Variants in MYBPC2 observed in about 807,000 individuals in gnomAD.
MYBPC2 encodes myosin-binding protein C, fast-type.
A neutral mutation model predicts 137.0 loss-of-function variants in MYBPC2; 122 were observed. The observed-to-expected ratio is 0.89, with a 90% CI of 0.77 to 1.03. MYBPC2 has a LOEUF of 1.03. Among genes scored for constraint, MYBPC2 ranks in the 50% least tolerant of loss-of-function variants. MYBPC2 has a pLI of 0.00. For synonymous variants in MYBPC2, 626 were observed against 612.3 expected, an observed-to-expected ratio of 1.02 and a Z score of -0.33; for missense variants, 1,500 against 1,534.4, an observed-to-expected ratio of 0.98 and a Z score of 0.37.
rs779517649 is a variant in MYBPC2, at chr19:50,461,929, G to T, written c.3121G>T (p.Glu1041Ter). The T allele has an allele frequency of 4.4e-6, 7 of 1,597,142 alleles. No individual in the cohort carries two copies. In the East Asian group the frequency reaches 1.4e-4, roughly 31 times the overall value. ...CACCTTCAAACCGTTCGAGTATAAG[G>T]AGCATGACTTCCGGATGGCTCCCAA... ...GITFKPFEYK[E>*]HDFRMAPKFL... Residue 1041 changes from glutamate to a stop codon, truncating the protein, a stop_gained, in exon 26 of 28, where the codon GAG becomes TAG. Coordinates refer to ENST00000357701, the MANE Select transcript of MYBPC2 (RefSeq NM_004533.4). LOFTEE classifies it high-confidence loss of function.
chr19:50,438,004 C>A (rs1233827894), intron 7 of MYBPC2, among the ~76,000 whole-genome samples: 2 of 152,112 alleles, frequency 1.3e-5, no homozygotes, highest in African/African-American at 2.4e-5. Flanking sequence ...ATTCTCACAC[C>A]CACTCTGCTG....
chr19:50,447,385 A>T (rs1003535740), intron 12 of MYBPC2, among the ~76,000 whole-genome samples: 1 of 152,164 alleles, frequency 6.6e-6, no homozygotes, highest in Non-Finnish European at 1.5e-5. Flanking sequence ...AACTCAAGTC[A>T]GTTATGGGTC....
Position 50,435,289 on chromosome 19 carries a change from C to T in MYBPC2, c.109+39C>T, listed in dbSNP as rs1176297153. 5.3e-6 allele frequency: 4 copies of T among 752,340 alleles called. No individual in the cohort carries two copies. The East Asian group carries it at 8.0e-5, about 15-fold the overall frequency. The allele number at this position is 752,340 out of a possible 1,614,324, so 46.6% of individuals were successfully genotyped here. On this transcript the variant is annotated intron_variant, in intron 2 of 27. Coordinates refer to ENST00000357701, the MANE Select transcript of MYBPC2 (RefSeq NM_004533.4). The surrounding 1 kb of genome is among the most constrained non-coding windows in gnomAD (Gnocchi z 4.8). ...CCCTCGGGCTCAACCGACCTGGCTT[C>T]TCATCTCCATCCTCCTCGCTACGCC...
At chr19:50,442,840 T>C (rs1029613847) in intron 9 of MYBPC2, among the ~76,000 whole-genome samples, 1 of 151,620 alleles carries the variant, frequency 6.6e-6, no homozygotes, top group African/African-American at 2.4e-5. Context: ...TGCAATGGCA[T>C]GATCTCAGTT....
At chr19:50,452,781 C>G (rs760575746) in intron 16 of MYBPC2, among the ~76,000 whole-genome samples, 38 of 152,230 alleles carry the variant, frequency 2.5e-4, no homozygotes, top group Admixed American at 1.4e-3. Flanking sequence ...TGGGCTCAAA[C>G]TCCTGAACTC....
At chr19:50,451,213 G>A (rs2039853813) in intron 14 of MYBPC2, 67 bp from the exon 15 acceptor site, 2 of 1,567,378 alleles carry the variant, frequency 1.3e-6, no homozygotes, top group East Asian at 2.2e-5. Context: ...CTTCCTCTGG[G>A]CTGTGAAGGT....
At position 50,466,162 on chromosome 19, in the gene MYBPC2, G is replaced by A; in HGVS notation, c.3416-33G>A. The A allele has an allele frequency of 6.2e-7, 1 of 1,613,324 alleles. No individual in the cohort carries two copies. The highest frequency in any genetic ancestry group is 8.5e-7 in the Non-Finnish European group (1 of 1,179,812). ...GGGCTTCAGGAGGAGGCGTGCCCGG[G>A]CCTGGCTCACCCGCTTTCTCGTTTT... On this transcript the variant is annotated intron_variant, in intron 27 of 27. Transcript: ENST00000357701. This position sits in a 1 kb window ranked among gnomAD's most constrained non-coding sequence, Gnocchi z 4.9.
At chr19:50,455,324 A>G in intron 19 of MYBPC2, 28 bp downstream of exon 19, 3 of 1,603,720 alleles carry the variant, frequency 1.9e-6, no homozygotes, top group East Asian at 4.5e-5. Context: ...TTTTATGCCT[A>G]TTGGTAATGA....
In MYBPC2 at chr19:50,465,555, T is replaced by C. The variant is rs541123132; in HGVS notation, c.3416-640T>C. ...CTTAACAAAGGCTCAGAGAGGACAC[T>C]TTCTAGCCAAGCACGGTGGCTCTCG... On this transcript the variant is annotated intron_variant, in intron 27 of 27. Transcript: ENST00000357701. This position sits in a 1 kb window ranked among gnomAD's most constrained non-coding sequence, Gnocchi z 4.5. 2.0e-3 allele frequency among the ~76,000 whole-genome samples: 308 copies of C among 152,286 alleles called. 6 individuals carry two copies. Among genetic ancestry groups the C allele is most frequent in the Middle Eastern group, 3.4e-3 (1 of 294 alleles).
intron 20 of MYBPC2, among the ~76,000 whole-genome samples, chr19:50,456,082 G>GTCCATCCA (rs34206117): frequency 0.052 from 6,595 of 127,820 alleles, 247 homozygotes; most frequent in African/African-American, 0.081. Context: ...TCATCTTACC[G>GTCCATCCA]TCCATCCATC....
intron 20 of MYBPC2, among the ~76,000 whole-genome samples, chr19:50,457,916 G>A (rs1568667420): frequency 6.6e-6 from 1 of 151,258 alleles, no homozygotes; most frequent in Non-Finnish European, 1.5e-5. Flanking sequence ...CTGGACTCAA[G>A]TGATCTGCCC....
intron 9 of MYBPC2, among the ~76,000 whole-genome samples, chr19:50,443,065 T>G (rs1006069574): frequency 6.6e-6 from 1 of 152,022 alleles, no homozygotes; most frequent in African/African-American, 2.4e-5. Context: ...TGACTGGCCC[T>G]GCCATGGTTA....
rs758325031 is a variant in MYBPC2 at position 50,436,096 on chromosome 19, T to A, written c.281T>A (p.Leu94Gln). Residue 94 changes from leucine to glutamine, a missense_variant, in exon 4 of 28, where the codon CTG (leucine) becomes CAG (glutamine). Leu to Gln is a moderately radical substitution (Grantham distance 113). Coordinates refer to ENST00000357701, the MANE Select transcript of MYBPC2 (RefSeq NM_004533.4). ...PTIKWFKGKW[L>Q]ELGSKSGARF... ...ATCAAGTGGTTCAAGGGGAAGTGGC[T>A]GGAGCTGGGCAGCAAGAGTGGCGCC... The A allele has an allele frequency of 6.9e-6, 11 of 1,582,840 alleles. No individual in the cohort carries two copies. The highest frequency in any genetic ancestry group is 9.4e-6 in the Non-Finnish European group (11 of 1,164,840).
intron 11 of MYBPC2, among the ~76,000 whole-genome samples, chr19:50,445,394 CTT>C (rs1256768181): frequency 6.6e-5 from 9 of 137,382 alleles, no homozygotes; most frequent in Non-Finnish European, 4.8e-5. Context: ...TCCTCACTGC[CTT>C]TTTTTTTTTT....
At position 50,466,086 on chromosome 19, in the gene MYBPC2, G is replaced by C; in HGVS notation, c.3416-109G>C. On this transcript the variant is annotated intron_variant, in intron 27 of 27. Coordinates refer to ENST00000357701, the MANE Select transcript of MYBPC2 (RefSeq NM_004533.4). The surrounding 1 kb of genome is among the most constrained non-coding windows in gnomAD (Gnocchi z 4.9). ...GTGGCCTAGGATGGGGCGGGATGGT[G>C]ACCGTCATCCTGTCCCCCTGCTGGT... 1.3e-6 allele frequency: 2 copies of C among 1,491,162 alleles called. No individual in the cohort carries two copies. The highest frequency in any genetic ancestry group is 2.4e-5 in the South Asian group (2 of 84,736). 92.4% of individuals were successfully genotyped at this position (1,491,162 alleles called of 1,614,324 possible).
Position 50,435,258 on chromosome 19 carries a change from G to C in MYBPC2, c.109+8G>C, listed in dbSNP as rs1393567461. On this transcript the variant is annotated splice_region_variant and intron_variant, in intron 2 of 27. Coordinates refer to ENST00000357701, the MANE Select transcript of MYBPC2 (RefSeq NM_004533.4). This position sits in a 1 kb window ranked among gnomAD's most constrained non-coding sequence, Gnocchi z 4.8. Reference sequence around the variant, plus strand: ...CTGCAGAGGCCCCCAAAGGTGAGGAGGTGCTCCCTCGGGCTCAACCGACCT... The same window carrying C: ...CTGCAGAGGCCCCCAAAGGTGAGGACGTGCTCCCTCGGGCTCAACCGACCT... 1 of 1,206,590 alleles carries C rather than the reference G, an allele frequency of 8.3e-7. No individual in the cohort carries two copies. The allele number at this position is 1,206,590 out of a possible 1,614,324, so 74.7% of individuals were successfully genotyped here. A position where few individuals can be genotyped will look rare whatever the true frequency, so the allele number is the denominator to read the frequency against.
At chr19:50,463,445 A>T (rs1182238023) in intron 26 of MYBPC2, among the ~76,000 whole-genome samples, 4 of 152,064 alleles carry the variant, frequency 2.6e-5, no homozygotes, top group African/African-American at 9.7e-5. Context: ...CTACCAATCC[A>T]TCCATTTACT....
intron 16 of MYBPC2, among the ~76,000 whole-genome samples, chr19:50,452,512 C>CTATCTATCTATG (rs2039870715): frequency 1.5e-5 from 1 of 68,430 alleles, no homozygotes; most frequent in South Asian, 4.7e-4. Flanking sequence ...ATGTATGTAT[C>CTATCTATCTATG]TATCTATCTA....
intron 11 of MYBPC2, among the ~76,000 whole-genome samples, chr19:50,444,555 T>C (rs1251595101): frequency 6.6e-6 from 1 of 152,140 alleles, no homozygotes; most frequent in East Asian, 1.9e-4. Context: ...GGTGTACTCT[T>C]CTACGTATCA....
Sources: gnomAD v4.1 joint callset for allele counts (sites outside exome capture counted in the v4.1 genomes callset) on GRCh38, gnomAD v4.1.1 for gene constraint, Gnocchi (gnomAD v3.1) non-coding constraint, MANE v1.5 for transcripts, NCBI Gene and HGNC (gene_info 2026-07-23, HGNC 2026-07-21) for gene names.